Variants in C1QTNF7 observed in about 807,000 individuals in gnomAD.
C1QTNF7 encodes the protein C1q and TNF related 7, also known as complement C1q tumor necrosis factor-related protein 7.
C1QTNF7 carries 15 observed loss-of-function variants against 19.6 expected under a neutral mutation model. That is an observed-to-expected ratio of 0.76 (90% CI 0.51 to 1.18). The LOEUF is 1.18. Ranked by LOEUF, C1QTNF7 falls within the 50% of genes most tolerant of loss-of-function variation. The probability of loss-of-function intolerance (pLI) is 0.00; values close to 1 mark genes in which losing one functional copy is unlikely to be tolerated. For synonymous variants in C1QTNF7, 142 were observed against 137.5 expected (o/e 1.03, Z -0.23); for missense variants, 324 against 359.7 (o/e 0.90, Z 0.80).
At chr4:15,361,578 T>C (rs1170136321) in intron 1 of C1QTNF7, among the ~76,000 whole-genome samples, 2 of 152,122 alleles carry the variant, frequency 1.3e-5, no homozygotes, top group African/African-American at 2.4e-5. Context: ...TTTTGCCTCT[T>C]GAGAGGAATG....
intron 1 of C1QTNF7, among the ~76,000 whole-genome samples, chr4:15,408,194 A>G (rs1473263399): frequency 6.7e-6 from 1 of 148,356 alleles, no homozygotes; most frequent in Non-Finnish European, 1.5e-5. Context: ...AATCACTTGA[A>G]CCCAGGGGTG....
chr4:15,439,267 T>C (rs553694073), intron 2 of C1QTNF7, among the ~76,000 whole-genome samples: 1 of 152,326 alleles, frequency 6.6e-6, no homozygotes, highest in East Asian at 1.9e-4. Flanking sequence ...CAATTCAGCA[T>C]CTCAAACAAA....
intron 1 of C1QTNF7, among the ~76,000 whole-genome samples, chr4:15,375,300 C>A (rs993707970): frequency 6.6e-6 from 1 of 152,078 alleles, no homozygotes; most frequent in African/African-American, 2.4e-5. Context: ...ATTTAGCATT[C>A]ATTAAGGGTG....
intron 1 of C1QTNF7, among the ~76,000 whole-genome samples, chr4:15,352,956 G>C (rs1390874419): frequency 6.6e-6 from 1 of 152,170 alleles, no homozygotes; most frequent in African/African-American, 2.4e-5. Flanking sequence ...ATCCAGGTAT[G>C]TATGACCCAG....
chr4:15,443,771 G>A lies in C1QTNF7; in HGVS notation c.*972G>A, dbSNP rs1442218560. On this transcript the variant is annotated 3_prime_UTR_variant, in exon 3 of 3. Coordinates refer to ENST00000444304, the MANE Select transcript of C1QTNF7 (RefSeq NM_031911.5). ...ATTCTTCTGAATCCTTTAGTGTGATGGTTTCCCAAGACAAACATTTGTCCT... is the reference window on the plus strand; with the variant it reads ...ATTCTTCTGAATCCTTTAGTGTGATAGTTTCCCAAGACAAACATTTGTCCT... 1 of 152,146 alleles carries A rather than the reference G, an allele frequency of 6.6e-6. No homozygotes were observed. The highest frequency in any genetic ancestry group is 2.4e-5 in the African/African-American group (1 of 41,418). 9.4% of individuals were successfully genotyped at this position (152,146 alleles called of 1,614,324 possible).
intron 1 of C1QTNF7, among the ~76,000 whole-genome samples, chr4:15,350,607 AT>A (rs972869582): frequency 8.5e-5 from 13 of 152,158 alleles, no homozygotes; most frequent in African/African-American, 2.9e-4. Flanking sequence ...ATCACCACAA[AT>A]TCTCTATTTT....
rs188698934 is a variant in C1QTNF7, at chr4:15,342,782, G to A, written c.13+2575G>A. ...ACTTTCATGGGTTATTATTATAATA[G>A]GAGGATAACCAAAAGTATTTCCTGG... On this transcript the variant is annotated intron_variant, in intron 1 of 2. Transcript: ENST00000295297. Among the ~76,000 whole-genome samples the A allele has an allele frequency of 2.8e-3, 434 of 152,304 alleles. 1 individual carries two copies. The highest frequency in any genetic ancestry group is 5.3e-3 in the Non-Finnish European group (360 of 68,026).
At chr4:15,339,931 T>A (rs1202925947), upstream of C1QTNF7, 1 of 574,230 alleles carries the variant, frequency 1.7e-6, no homozygotes, top group Admixed American at 3.2e-5. Context: ...AGTTGGCAAG[T>A]CCCTGGGAGA....
chr4:15,434,553 C>G (rs961516696), intron 1 of C1QTNF7, among the ~76,000 whole-genome samples: 5 of 152,184 alleles, frequency 3.3e-5, no homozygotes, highest in African/African-American at 1.2e-4. Context: ...ACCATCCAAA[C>G]ACAACTCATT....
At chr4:15,347,220 A>C (rs190634082) in intron 1 of C1QTNF7, among the ~76,000 whole-genome samples, 1 of 152,256 alleles carries the variant, frequency 6.6e-6, no homozygotes, top group East Asian at 1.9e-4. Context: ...TATCCAAGCT[A>C]TCAATCTCAC....
At chr4:15,344,071 CAG>C (rs1391392768) in intron 1 of C1QTNF7, among the ~76,000 whole-genome samples, 2 of 152,246 alleles carry the variant, frequency 1.3e-5, no homozygotes, top group African/African-American at 4.8e-5. Flanking sequence ...GCCTTCCAGG[CAG>C]AGAGGAGAAT....
chr4:15,340,051 C>A, exon 1 of C1QTNF7: 3 of 986,556 alleles, frequency 3.0e-6, no homozygotes, highest in South Asian at 1.4e-5. Context: ...CTTTATTTTT[C>A]ATCAAGTTAT....
chr4:15,373,780 C>T (rs188514501), intron 1 of C1QTNF7: 2 of 152,304 alleles, frequency 1.3e-5, no homozygotes, highest in African/African-American at 4.8e-5. Flanking sequence ...TATCTCATTT[C>T]CTGGCCACTA....
Position 15,442,982 on chromosome 4 carries a change from C to A in C1QTNF7, c.*183C>A, listed in dbSNP as rs1234711019. The A allele has an allele frequency of 5.7e-6, 3 of 525,260 alleles. No homozygotes were observed. In the East Asian group the frequency reaches 9.6e-5, roughly 17 times the overall value. The allele number at this position is 525,260 out of a possible 1,614,324, so 32.5% of individuals were successfully genotyped here. A position where few individuals can be genotyped will look rare whatever the true frequency, so the allele number is the denominator to read the frequency against. On this transcript the variant is annotated 3_prime_UTR_variant, in exon 3 of 3. Coordinates refer to ENST00000444304, the MANE Select transcript of C1QTNF7 (RefSeq NM_031911.5). ...AGTTGAAACCACAACAAAATGAATTCTATTAAAGAATAGCCCCAGATATAA... is the reference window on the plus strand; with the variant it reads ...AGTTGAAACCACAACAAAATGAATTATATTAAAGAATAGCCCCAGATATAA...
Position 15,371,362 on chromosome 4 carries a change from G to A in C1QTNF7, c.13+31155G>A, listed in dbSNP as rs545022493. Among the ~76,000 whole-genome samples, 4 of 152,300 alleles carry A rather than the reference G, an allele frequency of 2.6e-5. No individual in the cohort carries two copies. The South Asian group carries it at 6.2e-4, about 24-fold the overall frequency. ...GCGTATGCTTGCTAGTCATACTGCT[G>A]CAGAAGAATTTTGAAGGGCCTTTCT... On this transcript the variant is annotated intron_variant, in intron 1 of 2. Transcript: ENST00000295297.
At chr4:15,375,095 G>C (rs1717885706) in intron 1 of C1QTNF7, among the ~76,000 whole-genome samples, 1 of 151,726 alleles carries the variant, frequency 6.6e-6, no homozygotes, top group South Asian at 2.1e-4. Context: ...CGACACTCGC[G>C]GGGGCAAGCA....
intron 1 of C1QTNF7, among the ~76,000 whole-genome samples, chr4:15,387,004 G>A (rs949759435): frequency 3.9e-5 from 6 of 152,164 alleles, no homozygotes; most frequent in Admixed American, 3.3e-4. Context: ...ACCAGATAGC[G>A]ACTGTTTCAA....
At chr4:15,398,722 A>G (rs1398175136) in intron 1 of C1QTNF7, among the ~76,000 whole-genome samples, 1 of 152,246 alleles carries the variant, frequency 6.6e-6, no homozygotes, top group African/African-American at 2.4e-5. Flanking sequence ...AAAGAATTCA[A>G]CTGAGGGGCA....
At position 15,442,628 on chromosome 4, in the gene C1QTNF7, G is replaced by A. The variant is rs922796083; in HGVS notation, c.699G>A (p.Gly233=). 2 of 1,614,178 alleles carry A rather than the reference G, an allele frequency of 1.2e-6. No individual in the cohort carries two copies. The highest frequency in any genetic ancestry group is 1.7e-6 in the Non-Finnish European group (2 of 1,180,028). ...CAGGAAACCATGATGTGGCTTCGGG[G>A]TCCACAGTCATCTATCTGCAGCCAG... ...ANTGNHDVAS[G]STVIYLQPED... Residue 233 remains glycine (G), a synonymous_variant, in exon 3 of 3, where the codon GGG becomes GGA. Transcript: ENST00000444304.
Sources: gnomAD v4.1 joint callset for allele counts (sites outside exome capture counted in the v4.1 genomes callset) on GRCh38, gnomAD v4.1.1 for gene constraint, MANE v1.5 for transcripts, NCBI Gene and HGNC (gene_info 2026-07-23, HGNC 2026-07-21) for gene names.